KIF4A: variants seen among roughly 807,000 people sequenced by gnomAD.
The protein encoded by KIF4A is chromosome-associated kinesin KIF4A.
A neutral mutation model predicts 105.9 loss-of-function variants in KIF4A; 7 were observed. The ratio of observed to expected loss-of-function variants is 0.07; its 90% CI spans 0.04 to 0.12. The LOEUF (loss-of-function observed/expected upper bound fraction) is 0.12, where lower values mean the gene tolerates loss of function less well. Among genes scored for constraint, KIF4A ranks in the 10% least tolerant of loss-of-function variants. KIF4A has a pLI of 1.00. For synonymous variants in KIF4A, 281 were observed against 331.3 expected (o/e 0.85, Z 1.65); for missense variants, 558 against 929.2 (o/e 0.60, Z 5.19).
At position 70,324,821 on chromosome X, in the gene KIF4A, G is replaced by A. The variant is rs139964640; in HGVS notation, c.779-4584G>A. On this transcript the variant is annotated intron_variant, in intron 7 of 30. Coordinates refer to ENST00000374403, the MANE Select transcript of KIF4A (RefSeq NM_012310.5). ...TCTTGAGACAGGGTCTCACTCTGTC[G>A]CCTAGGCTGGAGTGCAGTGGTGTGA... is the stretch of plus-strand genomic sequence containing the variant. 6.4e-4 allele frequency among the ~76,000 whole-genome samples: 71 copies of A among 111,248 alleles called. No individual in the cohort carries two copies. In the East Asian group the frequency reaches 0.017, roughly 27 times the overall value.
At chrX:70,412,328 A>C (rs2086325551) in intron 28 of KIF4A, among the ~76,000 whole-genome samples, 1 of 112,147 alleles carries the variant, frequency 8.9e-6, no homozygotes, top group Non-Finnish European at 1.9e-5. Flanking sequence ...ACATCATCCC[A>C]GTAGGTCTTG....
Position 70,302,012 on chromosome X carries a change from C to T in KIF4A, c.629C>T (p.Ser210Phe). The change falls in exon 6 of 31, where the codon TCC becomes TTC. Residue 210 changes from serine (S) to phenylalanine (F), a missense_variant. By Grantham distance (155) the Ser-to-Phe change is radical. Transcript: ENST00000374403. ...TCCACGGCTATGAACTCCCAGTCGT[C>T]CCGATCTCATGCCATCTTTACAATC... Reference protein sequence around the residue: ...VASTAMNSQSSRSHAIFTISL... With the variant: ...VASTAMNSQSFRSHAIFTISL... The T allele has an allele frequency of 8.3e-7, 1 of 1,211,652 alleles. No individual in the cohort carries two copies. Among genetic ancestry groups the T allele is most frequent in the Non-Finnish European group, 1.1e-6 (1 of 895,407 alleles).
chrX:70,325,902 G>A (rs2085909281), intron 7 of KIF4A, among the ~76,000 whole-genome samples: 1 of 111,228 alleles, frequency 9.0e-6, no homozygotes, highest in South Asian at 3.8e-4. Context: ...AGGTAAGATC[G>A]GTATTTTCCC....
chrX:70,357,779 G>A (rs746910809), intron 15 of KIF4A, among the ~76,000 whole-genome samples: 1 of 111,693 alleles, frequency 9.0e-6, no homozygotes, highest in South Asian at 3.7e-4. Flanking sequence ...TATAATTTTG[G>A]ATTATTTGTT....
At chrX:70,416,615 C>CATG (rs944096188) in intron 28 of KIF4A, among the ~76,000 whole-genome samples, 1 of 111,627 alleles carries the variant, frequency 9.0e-6, no homozygotes, top group Non-Finnish European at 1.9e-5. Context: ...GGATTACTGG[C>CATG]ATGAGCCACC....
intron 10 of KIF4A, among the ~76,000 whole-genome samples, chrX:70,335,413 T>C (rs2085946742): frequency 8.9e-6 from 1 of 112,062 alleles, no homozygotes; most frequent in South Asian, 3.7e-4. Flanking sequence ...AGTTGTTTAA[T>C]GGGTATAGAA....
At chrX:70,316,298 T>C (rs954291857) in intron 7 of KIF4A, among the ~76,000 whole-genome samples, 1 of 111,752 alleles carries the variant, frequency 8.9e-6, no homozygotes, top group African/African-American at 3.2e-5. Flanking sequence ...AACATACTTT[T>C]ATATTTATAG....
intron 3 of KIF4A, among the ~76,000 whole-genome samples, chrX:70,295,023 C>T (rs1233125625): frequency 8.9e-6 from 1 of 112,424 alleles, no homozygotes; most frequent in Non-Finnish European, 1.9e-5. Flanking sequence ...TGATAGCACA[C>T]ACTGTGCTGC....
intron 30 of KIF4A, 108 bp downstream of exon 30, chrX:70,419,891 C>T (rs2086359800): frequency 9.1e-7 from 1 of 1,094,310 alleles, no homozygotes; most frequent in Admixed American, 2.4e-5. Flanking sequence ...GTGTAATCAG[C>T]TTGCTGGGAA....
intron 14 of KIF4A, among the ~76,000 whole-genome samples, 191 bp from the exon 15 acceptor site, chrX:70,353,431 G>A (rs187222115): frequency 8.9e-6 from 1 of 112,070 alleles, no homozygotes; most frequent in Admixed American, 9.5e-5. Context: ...AAGAAATAAG[G>A]TGCTTGAGAG....
At chrX:70,377,221 C>T (rs759903611) in intron 18 of KIF4A, among the ~76,000 whole-genome samples, 68 of 111,027 alleles carry the variant, frequency 6.1e-4, no homozygotes, top group African/African-American at 2.1e-3. Flanking sequence ...TACAGCTGTA[C>T]ACCATCACAC....
At chrX:70,315,902 A>ACCATGTTT in intron 7 of KIF4A, among the ~76,000 whole-genome samples, 1 of 111,931 alleles carries the variant, frequency 8.9e-6, no homozygotes, top group South Asian at 3.7e-4. Context: ...TTTGCCACAG[A>ACCATGTTT]CCATGTTTCC....
chrX:70,330,019 T>C (rs1237776903), intron 8 of KIF4A, 138 bp from the exon 9 acceptor site: 2 of 457,784 alleles, frequency 4.4e-6, no homozygotes, highest in African/African-American at 4.9e-5. Context: ...ACATTTCCTA[T>C]TATTTCAATA....
intron 28 of KIF4A, among the ~76,000 whole-genome samples, chrX:70,410,420 T>C (rs777910783): frequency 6.0e-4 from 67 of 111,880 alleles, no homozygotes; most frequent in Middle Eastern, 4.6e-3. Context: ...AGTAGTAACC[T>C]AGAAGCCAGA....
chrX:70,395,972 A>G lies in KIF4A; in HGVS notation c.2412A>G (p.Glu804=), dbSNP rs754428381. The G allele has an allele frequency of 1.4e-5, 17 of 1,207,328 alleles. No homozygotes were observed. In the African/African-American group the frequency reaches 1.6e-4, roughly 11 times the overall value. The change falls in exon 22 of 31, where the codon GAA becomes GAG. Residue 804 remains glutamate, a synonymous_variant. Transcript: ENST00000374403. ...AGAGGCGTACATTCTCCCTTACTGA[A>G]GTGCGTGGTCAAGTTTCGGAGTCAG... ...KLRRRTFSLT[E]VRGQVSESED... is the part of the protein sequence containing the mutation.
At chrX:70,341,988 A>G (rs1348595256) in intron 11 of KIF4A, 57 bp downstream of exon 11, 2 of 1,141,284 alleles carry the variant, frequency 1.8e-6, no homozygotes, top group African/African-American at 1.8e-5. Flanking sequence ...TTTAGTTTCC[A>G]GAATATTTAA....
At chrX:70,357,513 T>C (rs1224615120) in intron 15 of KIF4A, among the ~76,000 whole-genome samples, 1 of 112,249 alleles carries the variant, frequency 8.9e-6, no homozygotes, top group Non-Finnish European at 1.9e-5. Flanking sequence ...CTCATCTGTG[T>C]TGACATGGAT....
At chrX:70,363,416 C>T (rs1484894383) in intron 15 of KIF4A, among the ~76,000 whole-genome samples, 1 of 110,026 alleles carries the variant, frequency 9.1e-6, no homozygotes, top group Non-Finnish European at 1.9e-5. Flanking sequence ...CACAACAGGC[C>T]CCGGTGTGTG....
intron 15 of KIF4A, among the ~76,000 whole-genome samples, chrX:70,371,721 C>T (rs1484679819): frequency 2.7e-5 from 3 of 109,448 alleles, no homozygotes; most frequent in East Asian, 6.0e-4. Flanking sequence ...CCACCTCCCT[C>T]CCGGACGGGG....
Sources: gnomAD v4.1 joint callset for allele counts (sites outside exome capture counted in the v4.1 genomes callset) on GRCh38, gnomAD v4.1.1 for gene constraint, MANE v1.5 for transcripts, NCBI Gene and HGNC (gene_info 2026-07-23, HGNC 2026-07-21) for gene names.